GABRB1: variants seen among roughly 807,000 people sequenced by gnomAD.
GABRB1 encodes gamma-aminobutyric acid type A receptor subunit beta1.
GABRB1 carries 17 observed loss-of-function variants against 51.6 expected under a neutral mutation model. That is an observed-to-expected ratio of 0.33 (90% CI 0.23 to 0.49). GABRB1 has a LOEUF of 0.49. Among genes scored for constraint, GABRB1 ranks in the 20% least tolerant of loss-of-function variants. GABRB1 has a pLI of 0.99. For missense variants in GABRB1, 410 were observed against 600.6 expected (o/e 0.68, Z 3.32); for synonymous variants, 247 against 218.9 (o/e 1.13, Z -1.14).
intron 5 of GABRB1, among the ~76,000 whole-genome samples, chr4:47,343,759 T>C (rs961568424): frequency 1.3e-5 from 2 of 152,202 alleles, no homozygotes; most frequent in African/African-American, 4.8e-5. Context: ...AAAAGAATTG[T>C]AGTTACATTT....
intron 1 of GABRB1, among the ~76,000 whole-genome samples, chr4:47,012,605 T>C (rs1267133206): frequency 6.6e-6 from 1 of 152,204 alleles, no homozygotes; most frequent in Non-Finnish European, 1.5e-5. Context: ...ACAAAAACAA[T>C]ACAAAATAAT....
At chr4:47,039,136 G>T (rs1256327048) in intron 3 of GABRB1, among the ~76,000 whole-genome samples, 1 of 151,504 alleles carries the variant, frequency 6.6e-6, no homozygotes, top group Non-Finnish European at 1.5e-5. Flanking sequence ...AAAAAGGCTG[G>T]CCACAAGAAA....
At chr4:47,205,908 T>C (rs1720099885) in intron 4 of GABRB1, among the ~76,000 whole-genome samples, 1 of 152,066 alleles carries the variant, frequency 6.6e-6, no homozygotes, top group Non-Finnish European at 1.5e-5. Flanking sequence ...TCTCAAATAT[T>C]TTTGTTCTCC....
intron 4 of GABRB1, among the ~76,000 whole-genome samples, chr4:47,179,593 A>G (rs1049326952): frequency 1.3e-5 from 2 of 152,142 alleles, no homozygotes; most frequent in African/African-American, 4.8e-5. Flanking sequence ...CTTGCTTTCA[A>G]TGTCTTTGAA....
At chr4:47,064,741 A>T (rs1337141004) in intron 3 of GABRB1, among the ~76,000 whole-genome samples, 2 of 152,102 alleles carry the variant, frequency 1.3e-5, no homozygotes, top group Non-Finnish European at 2.9e-5. Flanking sequence ...ATTTGCTTTA[A>T]CTGCTAGGAT....
chr4:47,391,908 A>C (rs1052438267), intron 5 of GABRB1, among the ~76,000 whole-genome samples: 1 of 152,228 alleles, frequency 6.6e-6, no homozygotes, highest in Non-Finnish European at 1.5e-5. Context: ...TATAATGAGG[A>C]ATAGAGAAGA....
intron 1 of GABRB1, among the ~76,000 whole-genome samples, chr4:47,004,378 C>A (rs1724322595): frequency 6.6e-6 from 1 of 152,144 alleles, no homozygotes; most frequent in African/African-American, 2.4e-5. Context: ...TGACGAGACA[C>A]TTATGTCAAG....
At chr4:47,090,418 G>A (rs949057353) in intron 3 of GABRB1, among the ~76,000 whole-genome samples, 2 of 152,124 alleles carry the variant, frequency 1.3e-5, no homozygotes, top group Non-Finnish European at 2.9e-5. Context: ...AGGATAAAAG[G>A]GGAAAGTGAG....
chr4:47,029,271 A>G (rs181254682), upstream of GABRB1, among the ~76,000 whole-genome samples: 748 of 152,080 alleles, frequency 4.9e-3, 6 homozygotes, highest in Middle Eastern at 0.014. Context: ...CAAAGTGTTT[A>G]GATCAATTTA....
intron 3 of GABRB1, among the ~76,000 whole-genome samples, chr4:47,094,216 T>C (rs1714277575): frequency 7.2e-6 from 1 of 139,512 alleles, no homozygotes; most frequent in Non-Finnish European, 1.5e-5. Context: ...AATTTTTTCT[T>C]TTTCTTTTTT....
intron 1 of GABRB1, among the ~76,000 whole-genome samples, chr4:46,999,300 G>A (rs867369968): frequency 4.6e-5 from 7 of 152,166 alleles, no homozygotes; most frequent in South Asian, 2.1e-4. Flanking sequence ...ACTGATAAGG[G>A]ACTAATAGAA....
intron 4 of GABRB1, among the ~76,000 whole-genome samples, chr4:47,189,224 T>C (rs542769210): frequency 1.3e-5 from 2 of 151,978 alleles, no homozygotes; most frequent in African/African-American, 4.8e-5. Context: ...ATGGACATAC[T>C]TGGAAAGTTT....
At chr4:47,216,500 G>A (rs1339569075) in intron 4 of GABRB1, among the ~76,000 whole-genome samples, 1 of 151,882 alleles carries the variant, frequency 6.6e-6, no homozygotes, top group African/African-American at 2.4e-5. Context: ...AGGGCTCTTT[G>A]TAATGTGATA....
At position 47,421,762 on chromosome 4, in the gene GABRB1, C is replaced by A. The variant is rs532001156; in HGVS notation, c.1081-3912C>A. 3.9e-5 allele frequency among the ~76,000 whole-genome samples: 6 copies of A among 152,234 alleles called. No homozygotes were observed. In the South Asian group the frequency reaches 1.2e-3, roughly 32 times the overall value. The stretch of plus-strand genomic sequence containing the variant: ...TTTCTCACTTTGATGAATCCCTAAT[C>A]GTGATCTATATTATGCCATGTACAG... On this transcript the variant is annotated intron_variant, in intron 8 of 8. Transcript: ENST00000295454.
In GABRB1 at chr4:47,242,879, T is replaced by C. The variant is rs190610412; in HGVS notation, c.462-77248T>C. 5.5e-4 allele frequency among the ~76,000 whole-genome samples: 84 copies of C among 152,364 alleles called. 1 individual carries two copies. The East Asian group carries it at 0.015, about 28-fold the overall frequency. ...GTAGTTTCTTTTGCTGTGCAGAAGC[T>C]CTTTAGTTTAATTAGATCCCATTTG... is the stretch of plus-strand genomic sequence containing the variant. On this transcript the variant is annotated intron_variant, in intron 4 of 8. Transcript: ENST00000295454.
intron 4 of GABRB1, among the ~76,000 whole-genome samples, chr4:47,294,485 C>T (rs1723885061): frequency 6.6e-6 from 1 of 152,188 alleles, no homozygotes; most frequent in Admixed American, 6.5e-5. Context: ...GGTCCTACGC[C>T]CACAGTCTCG....
chr4:47,029,145 C>T (rs188695903), upstream of GABRB1, among the ~76,000 whole-genome samples: 696 of 151,840 alleles, frequency 4.6e-3, 6 homozygotes, highest in South Asian at 0.016. Context: ...AACAACACTG[C>T]CATAAATATT....
intron 5 of GABRB1, among the ~76,000 whole-genome samples, chr4:47,385,932 G>A (rs1302986364): frequency 1.3e-5 from 2 of 152,168 alleles, no homozygotes; most frequent in East Asian, 1.9e-4. Flanking sequence ...GAGACACATA[G>A]GGCAAAGAAT....
intron 4 of GABRB1, among the ~76,000 whole-genome samples, chr4:47,187,967 G>T (rs749698549): frequency 2.0e-5 from 3 of 151,854 alleles, no homozygotes; most frequent in Non-Finnish European, 2.9e-5. Flanking sequence ...CAGAGGTCCT[G>T]CATCACCCTC....
Sources: allele counts gnomAD v4.1 joint callset (sites outside exome capture counted in the v4.1 genomes callset), GRCh38; gene constraint gnomAD v4.1.1; transcripts MANE v1.5; gene names NCBI Gene and HGNC (gene_info 2026-07-23, HGNC 2026-07-21).